Variants in MESP1 observed in about 807,000 individuals in gnomAD.
MESP1 encodes the protein mesoderm posterior protein 1.
In MESP1, 22 loss-of-function variants were observed where a neutral mutation model predicts 15.2. That is an observed-to-expected ratio of 1.45 (90% CI 1.04 to 2.07). The LOEUF (loss-of-function observed/expected upper bound fraction) is 2.07. MESP1 is among the 30% of genes most tolerant of loss of function. The pLI is 0.00. For synonymous variants in MESP1, 216 were observed against 192.6 expected (o/e 1.12, Z -1.01); for missense variants, 484 against 411.9 (o/e 1.17, Z -1.51).
At chr15:89,748,305 G>A (rs549958124), downstream of MESP1, among the ~76,000 whole-genome samples, 4 of 152,200 alleles carry the variant, frequency 2.6e-5, no homozygotes, top group Admixed American at 6.5e-5. Flanking sequence ...GGTGACCCGC[G>A]GAGGTGTGAG....
chr15:89,742,733 A>G, the MESP1 span, among the ~76,000 whole-genome samples: 3 of 152,192 alleles, frequency 2.0e-5, no homozygotes, highest in East Asian at 1.9e-4. Context: ...GGGTTTCTCC[A>G]GGTTGGCCAG....
At chr15:89,732,815 A>T in the MESP1 span, among the ~76,000 whole-genome samples, 1 of 151,300 alleles carries the variant, frequency 6.6e-6, no homozygotes, top group East Asian at 1.9e-4. Context: ...ACACAGCAGC[A>T]TTCCCCTGCA....
chr15:89,746,932 T>TA (rs1967974935), downstream of MESP1, among the ~76,000 whole-genome samples: 1 of 5,810 alleles, frequency 1.7e-4, no homozygotes, highest in Non-Finnish European at 5.1e-4. Flanking sequence ...CAGCCCCACC[T>TA]CCACACACAC....
In MESP1 at chr15:89,750,082, C is replaced by A; in HGVS notation, c.*62G>T. 1 of 1,494,928 alleles carries A rather than the reference C, an allele frequency of 6.7e-7. No individual in the cohort carries two copies. The highest frequency in any genetic ancestry group is 9.3e-7 in the Non-Finnish European group (1 of 1,071,866). The allele number at this position is 1,494,928 out of a possible 1,614,324, so 92.6% of individuals were successfully genotyped here. ...GGAAAGGCAGTCTGCCAAGGAACCA[C>A]TTCGAAGGTGCTGAGGCCAAAAAGC... On this transcript the variant is annotated 3_prime_UTR_variant, in exon 2 of 2. Transcript: ENST00000300057.
In MESP1 at chr15:89,750,147, C is replaced by G. The variant is rs867541426; in HGVS notation, c.804G>C (p.Lys268Asn). 4 of 1,613,774 alleles carry G rather than the reference C, an allele frequency of 2.5e-6. No homozygotes were observed. Among genetic ancestry groups the G allele is most frequent in the Admixed American group, 3.3e-5 (2 of 60,016 alleles). The change falls in exon 2 of 2, where the codon AAG (lysine) becomes AAC (asparagine). Residue 268 changes from lysine (K) to asparagine (N), a missense_variant. Transcript: ENST00000300057. ...AGACGGCGTCAGTTGTCCCTTGTCA[C>G]TTGGGCTCCTCAGGCAGCCACTCCA... ...SPLEWLPEEP[K>N]
the MESP1 span, among the ~76,000 whole-genome samples, chr15:89,744,370 T>G: frequency 2.0e-5 from 3 of 152,164 alleles, no homozygotes; most frequent in Middle Eastern, 3.2e-3. Flanking sequence ...CACCCCACCA[T>G]GGGAATGAAA....
downstream of MESP1, among the ~76,000 whole-genome samples, chr15:89,745,382 G>A (rs567148275): frequency 1.3e-4 from 20 of 152,300 alleles, no homozygotes; most frequent in South Asian, 3.7e-3. This position sits in a 1 kb window ranked among gnomAD's most constrained non-coding sequence, Gnocchi z 4.8. Flanking sequence ...AGCCACTTCC[G>A]CCTGTGCAGC....
At chr15:89,733,974 A>G in the MESP1 span, among the ~76,000 whole-genome samples, 6 of 151,990 alleles carry the variant, frequency 3.9e-5, no homozygotes, top group Non-Finnish European at 8.8e-5. Context: ...TACCTAATGC[A>G]TGCAAATGAA....
chr15:89,742,278 C>T, the MESP1 span, among the ~76,000 whole-genome samples: 1 of 152,142 alleles, frequency 6.6e-6, no homozygotes, highest in South Asian at 2.1e-4. Flanking sequence ...ATCTTATCTC[C>T]ACATAGATGG....
At chr15:89,744,299 G>A in the MESP1 span, among the ~76,000 whole-genome samples, 6 of 152,222 alleles carry the variant, frequency 3.9e-5, no homozygotes, top group African/African-American at 1.4e-4. Context: ...CACTGATGCT[G>A]GCTAGCTGAC....
the MESP1 span, among the ~76,000 whole-genome samples, chr15:89,741,600 C>T: frequency 6.6e-6 from 1 of 152,192 alleles, no homozygotes; most frequent in East Asian, 1.9e-4. Context: ...ATAAAGTACA[C>T]ATTGCTACTT....
downstream of MESP1, among the ~76,000 whole-genome samples, chr15:89,746,972 C>G (rs975762452): frequency 3.7e-4 from 55 of 147,882 alleles, no homozygotes; most frequent in Non-Finnish European, 6.9e-4. Context: ...GCCACACACA[C>G]GTGCACACAG....
chr15:89,747,133 CACACACACACA>C (rs1967985249), downstream of MESP1, among the ~76,000 whole-genome samples: 4 of 150,912 alleles, frequency 2.7e-5, no homozygotes, highest in African/African-American at 7.3e-5. Context: ...CACACACACA[CACACACACACA>C]CACCCCTACC....
chr15:89,742,058 C>T, the MESP1 span, among the ~76,000 whole-genome samples: 2 of 152,006 alleles, frequency 1.3e-5, no homozygotes, highest in East Asian at 1.9e-4. Context: ...GCCTCCAATA[C>T]ATTTTTAAGA....
Position 89,750,940 on chromosome 15 carries a change from G to C in MESP1, c.292C>G (p.Leu98Val). Residue 98 changes from leucine (L) to valine (V), a missense_variant, in exon 1 of 2, where the codon CTG (leucine) becomes GTG (valine). Physicochemically the swap from Leu to Val is conservative, Grantham distance 32. Coordinates refer to ENST00000300057, the MANE Select transcript of MESP1 (RefSeq NM_018670.4). ...CGCAGCTCGTGCAGGGCGCGGGCCA[G>C]CGTGCGCATGCGCAGTTTCTCCCGC... Reference protein sequence around the residue: ...SEREKLRMRTLARALHELRRF... With the variant: ...SEREKLRMRTVARALHELRRF... The C allele has an allele frequency of 2.1e-6, 3 of 1,451,422 alleles. No individual in the cohort carries two copies. Among genetic ancestry groups the C allele is most frequent in the Non-Finnish European group, 2.7e-6 (3 of 1,105,614 alleles). 89.9% of individuals were successfully genotyped at this position (1,451,422 alleles called of 1,614,324 possible). A position where few individuals can be genotyped will look rare whatever the true frequency, so the allele number is the denominator to read the frequency against.
At chr15:89,737,096 G>T in the MESP1 span, among the ~76,000 whole-genome samples, 1 of 152,150 alleles carries the variant, frequency 6.6e-6, no homozygotes, top group African/African-American at 2.4e-5. Flanking sequence ...CGGCCAAAGG[G>T]GACTTTCTAA....
chr15:89,749,693 A>C (rs77087830), downstream of MESP1: 3,186 of 160,922 alleles, frequency 0.02, 121 homozygotes, highest in African/African-American at 0.073. Flanking sequence ...CTCCCCACCC[A>C]TTCCAGGCTG....
chr15:89,745,979 C>A (rs961403397), downstream of MESP1, among the ~76,000 whole-genome samples: 73 of 149,496 alleles, frequency 4.9e-4, no homozygotes, highest in African/African-American at 1.7e-3. This position sits in a 1 kb window ranked among gnomAD's most constrained non-coding sequence, Gnocchi z 4.8. Flanking sequence ...CTCCACACAT[C>A]CACACCTCCA....
At chr15:89,748,966 AG>A (rs2141752763), downstream of MESP1, 1 of 152,364 alleles carries the variant, frequency 6.6e-6, no homozygotes, top group African/African-American at 2.4e-5. Context: ...GAAGGAGAGG[AG>A]GGGAGAACTG....
Sources: gnomAD v4.1 joint callset for allele counts (sites outside exome capture counted in the v4.1 genomes callset) on GRCh38, gnomAD v4.1.1 for gene constraint, Gnocchi (gnomAD v3.1) non-coding constraint, MANE v1.5 for transcripts, NCBI Gene and HGNC (gene_info 2026-07-23, HGNC 2026-07-21) for gene names.